Variants in MARCHF1 observed in about 807,000 individuals in gnomAD.
MARCHF1 encodes the protein membrane associated ring-CH-type finger 1.
A neutral mutation model predicts 54.2 loss-of-function variants in MARCHF1; 40 were observed. That is an observed-to-expected ratio of 0.74 (90% CI 0.57 to 0.96). The LOEUF is 0.96. Among genes scored for constraint, MARCHF1 ranks in the 40% least tolerant of loss-of-function variants. The pLI, the probability that MARCHF1 is intolerant of heterozygous loss-of-function variation, is 0.00. For missense variants in MARCHF1, 586 were observed against 656.5 expected (o/e 0.89, Z 1.17); for synonymous variants, 236 against 236.3 (o/e 1.00, Z 0.01).
intron 7 of MARCHF1, among the ~76,000 whole-genome samples, chr4:163,595,751 G>A (rs1740747088): frequency 6.6e-6 from 1 of 152,094 alleles, no homozygotes; most frequent in African/African-American, 2.4e-5. Context: ...AGGCTGGGGA[G>A]AGGGGAAAAT....
chr4:163,590,664 TC>T (rs1398292853), intron 7 of MARCHF1, among the ~76,000 whole-genome samples: 4 of 152,146 alleles, frequency 2.6e-5, no homozygotes, highest in African/African-American at 9.7e-5. Context: ...TTTCCACGAA[TC>T]TCTGACATAC....
intron 2 of MARCHF1, among the ~76,000 whole-genome samples, chr4:164,030,606 T>C (rs1358502998): frequency 1.3e-5 from 2 of 152,220 alleles, no homozygotes; most frequent in African/African-American, 4.8e-5. Context: ...CTTTGTGCTA[T>C]GTCTGCTGAA....
intron 3 of MARCHF1, among the ~76,000 whole-genome samples, chr4:163,947,010 T>C (rs1752039054): frequency 6.6e-6 from 1 of 152,190 alleles, no homozygotes; most frequent in Admixed American, 6.5e-5. Context: ...TTACCTTTTA[T>C]ACAAGCTTGT....
chr4:163,910,717 G>A (rs1488105004), intron 3 of MARCHF1, among the ~76,000 whole-genome samples: 3 of 152,168 alleles, frequency 2.0e-5, no homozygotes, highest in Admixed American at 6.5e-5. Flanking sequence ...AGCTGGTCTC[G>A]AACTCCTGAC....
intron 1 of MARCHF1, among the ~76,000 whole-genome samples, chr4:164,182,742 CA>C (rs1271319030): frequency 1.3e-5 from 2 of 151,994 alleles, no homozygotes; most frequent in East Asian, 3.9e-4. Flanking sequence ...CAGTGATGCT[CA>C]ATATATGCAA....
rs12499976 is a variant in MARCHF1 at position 164,340,414 on chromosome 4, G to C, written c.-323+43456C>G. The stretch of plus-strand genomic sequence containing the variant: ...GCCACCAGGCCTTGATTTATATATA[G>C]ATATATATATATATATATATAGTTT... On this transcript the variant is annotated intron_variant, in intron 1 of 9. Transcript: ENST00000514618. Among the ~76,000 whole-genome samples the C allele has an allele frequency of 1.0e-3, 96 of 93,306 alleles. 7 individuals are homozygous for C. Among genetic ancestry groups the C allele is most frequent in the East Asian group, 9.4e-3 (23 of 2,450 alleles). The allele number at this position is 93,306 out of a possible 152,430, so 61.2% of individuals were successfully genotyped here. A position where few individuals can be genotyped will look rare whatever the true frequency, so the allele number is the denominator to read the frequency against.
intron 1 of MARCHF1, among the ~76,000 whole-genome samples, chr4:164,361,594 C>A (rs1156735853): frequency 6.6e-6 from 1 of 152,096 alleles, no homozygotes; most frequent in East Asian, 1.9e-4. Context: ...CAACTCTGAG[C>A]TTCGCCTGTC....
chr4:164,243,002 T>C (rs1019536304), intron 1 of MARCHF1, among the ~76,000 whole-genome samples: 23 of 138,674 alleles, frequency 1.7e-4, no homozygotes, highest in Non-Finnish European at 6.1e-5. Flanking sequence ...CTACGTCTGA[T>C]TGATGTACCT....
intron 5 of MARCHF1, among the ~76,000 whole-genome samples, chr4:163,652,540 TTCA>T (rs1159149122): frequency 6.6e-6 from 1 of 151,790 alleles, no homozygotes; most frequent in Non-Finnish European, 1.5e-5. Context: ...ATCAATTAAC[TTCA>T]TCTCAAGCCC....
chr4:164,000,306 T>C (rs1753161548), intron 2 of MARCHF1, among the ~76,000 whole-genome samples: 1 of 151,804 alleles, frequency 6.6e-6, no homozygotes, highest in Non-Finnish European at 1.5e-5. Flanking sequence ...TAGGCCATAT[T>C]ATGATTTATT....
chr4:164,269,820 C>T (rs1465896836), intron 1 of MARCHF1, among the ~76,000 whole-genome samples: 1 of 152,036 alleles, frequency 6.6e-6, no homozygotes. Context: ...AAGGTAACAT[C>T]ATTTTGATTT....
chr4:163,591,205 T>C (rs1008620665), intron 7 of MARCHF1, among the ~76,000 whole-genome samples: 1 of 151,986 alleles, frequency 6.6e-6, no homozygotes, highest in African/African-American at 2.4e-5. Context: ...CAGATGATTA[T>C]TTCCTGAGTG....
Position 163,716,654 on chromosome 4 carries a change from T to C in MARCHF1, c.112-15791A>G, listed in dbSNP as rs115670741. On this transcript the variant is annotated intron_variant, in intron 4 of 9. Transcript: ENST00000514618. The stretch of plus-strand genomic sequence containing the variant: ...CACTATAGTAGCTCCACACCCATGA[T>C]TGGTGCTTCAGGGACCAGTGCCAAA... Among the ~76,000 whole-genome samples the C allele has an allele frequency of 8.2e-3, 1,247 of 152,302 alleles. 9 individuals are homozygous for C. Among genetic ancestry groups the C allele is most frequent in the South Asian group, 0.021 (103 of 4,828 alleles).
Position 163,933,252 on chromosome 4 carries a change from T to C in MARCHF1, c.-39+55249A>G. 3 of 704,240 alleles carry C rather than the reference T, an allele frequency of 4.3e-6. No individual in the cohort carries two copies. In the Admixed American group the frequency reaches 5.5e-5, roughly 13 times the overall value. 43.6% of individuals were successfully genotyped at this position (704,240 alleles called of 1,614,324 possible). The stretch of plus-strand genomic sequence containing the variant: ...GTGATGCAGCAGAAGGGGCTGAAAC[T>C]AAATCCAGACAGGGTGTCATCCTTC... On this transcript the variant is annotated intron_variant, in intron 3 of 9. Coordinates refer to ENST00000514618, the MANE Select transcript of MARCHF1 (RefSeq NM_001394959.1).
At chr4:164,120,708 A>G (rs1756047784) in intron 1 of MARCHF1, among the ~76,000 whole-genome samples, 1 of 152,172 alleles carries the variant, frequency 6.6e-6, no homozygotes, top group South Asian at 2.1e-4. Flanking sequence ...ATACATGGAA[A>G]TTAAACAATA....
chr4:164,253,864 A>G (rs1166766011), intron 1 of MARCHF1, among the ~76,000 whole-genome samples: 4 of 152,192 alleles, frequency 2.6e-5, no homozygotes, highest in Non-Finnish European at 5.9e-5. Flanking sequence ...AACAAATTAC[A>G]GAACACACAC....
intron 4 of MARCHF1, among the ~76,000 whole-genome samples, chr4:163,802,008 C>G (rs1167279248): frequency 6.6e-6 from 1 of 152,072 alleles, no homozygotes; most frequent in East Asian, 1.9e-4. Flanking sequence ...TTCCGGAAAT[C>G]TCACAGACTT....
At chr4:163,941,176 AAAT>A (rs1307207524) in intron 3 of MARCHF1, among the ~76,000 whole-genome samples, 2 of 152,098 alleles carry the variant, frequency 1.3e-5, no homozygotes, top group African/African-American at 2.4e-5. Context: ...TCTAAAATAG[AAAT>A]AATAATGGAT....
intron 5 of MARCHF1, among the ~76,000 whole-genome samples, chr4:163,653,807 G>A (rs1743051177): frequency 6.6e-6 from 1 of 150,668 alleles, no homozygotes; most frequent in African/African-American, 2.4e-5. Flanking sequence ...ACACAAGTTT[G>A]AGATGGCTAT....
Sources: allele counts gnomAD v4.1 joint callset (sites outside exome capture counted in the v4.1 genomes callset), GRCh38; gene constraint gnomAD v4.1.1; transcripts MANE v1.5; gene names NCBI Gene and HGNC (gene_info 2026-07-23, HGNC 2026-07-21).